Variants in BMPER observed in about 807,000 individuals in gnomAD.
The protein encoded by BMPER is BMP binding endothelial regulator.
A neutral mutation model predicts 87.3 loss-of-function variants in BMPER; 45 were observed. The ratio of observed to expected loss-of-function variants is 0.52; its 90% CI spans 0.41 to 0.66. BMPER has a LOEUF of 0.66. BMPER is among the 30% of genes least tolerant of loss of function. BMPER has a pLI of 0.00. For missense variants in BMPER, 784 were observed against 867.5 expected, an observed-to-expected ratio of 0.90 and a Z score of 1.21; for synonymous variants, 326 against 316.2, an observed-to-expected ratio of 1.03 and a Z score of -0.33.
rs139873606 is a variant in BMPER, at chr7:33,924,170, A to T, written c.220-13119A>T. 4.1e-3 allele frequency among the ~76,000 whole-genome samples: 627 copies of T among 152,290 alleles called. 3 individuals are homozygous for T. The highest frequency in any genetic ancestry group is 0.014 in the African/African-American group (568 of 41,568). On this transcript the variant is annotated intron_variant, in intron 2 of 14. Transcript: ENST00000649409. ...CATTTTTTCAGGCCATCCATCAACCATGGGGTCCTGGATTCCTCTTTCTCT... is the reference window on the plus strand; with the variant it reads ...CATTTTTTCAGGCCATCCATCAACCTTGGGGTCCTGGATTCCTCTTTCTCT...
chr7:34,028,616 T>TTTTG (rs1787437332), intron 6 of BMPER, among the ~76,000 whole-genome samples: 1 of 133,212 alleles, frequency 7.5e-6, no homozygotes, highest in Non-Finnish European at 1.6e-5. Context: ...TTTTTTTTTT[T>TTTTG]TTTTTTTTTT....
chr7:34,028,613 T>TTTTTTTTTTTTTG, intron 6 of BMPER, among the ~76,000 whole-genome samples: 1 of 125,198 alleles, frequency 8.0e-6, no homozygotes, highest in African/African-American at 3.6e-5. Flanking sequence ...TTTTTTTTTT[T>TTTTTTTTTTTTTG]TTTTTTTTTT....
At chr7:33,912,102 G>A (rs570901816) in intron 2 of BMPER, among the ~76,000 whole-genome samples, 3 of 152,064 alleles carry the variant, frequency 2.0e-5, no homozygotes, top group Admixed American at 1.3e-4. Context: ...TTTTCCCCTC[G>A]CTTTCCATTA....
chr7:34,097,777 T>C (rs138541299), intron 13 of BMPER, among the ~76,000 whole-genome samples: 1 of 152,282 alleles, frequency 6.6e-6, no homozygotes, highest in East Asian at 1.9e-4. Context: ...CTTAATTTTC[T>C]GAGTCCCTGT....
At chr7:34,074,549 C>T (rs904725326) in intron 11 of BMPER, among the ~76,000 whole-genome samples, 1 of 152,236 alleles carries the variant, frequency 6.6e-6, no homozygotes, top group African/African-American at 2.4e-5. Flanking sequence ...CCTGGAGCCC[C>T]TGCATGACAC....
chr7:34,076,139 C>T (rs953279744), intron 11 of BMPER, among the ~76,000 whole-genome samples: 3 of 152,106 alleles, frequency 2.0e-5, no homozygotes, highest in Admixed American at 2.0e-4. Context: ...ATTTCCCTTG[C>T]CCAGAGTCTC....
At chr7:34,077,113 G>C (rs1788885901) in intron 11 of BMPER, among the ~76,000 whole-genome samples, 1 of 152,148 alleles carries the variant, frequency 6.6e-6, no homozygotes. Flanking sequence ...GAACTGCCTT[G>C]TTCTCCCTCA....
rs116564985 is a variant in BMPER at position 33,988,111 on chromosome 7, A to C, written c.576+13327A>C. Among the ~76,000 whole-genome samples, 697 of 152,250 alleles carry C rather than the reference A, an allele frequency of 4.6e-3. 3 individuals are homozygous for C. Among genetic ancestry groups the C allele is most frequent in the African/African-American group, 0.016 (659 of 41,550 alleles). ...ATTATTCATACTGATATATATCTTA[A>C]TTTTTTTCATGCTGTCATTTTATTA... On this transcript the variant is annotated intron_variant, in intron 6 of 14. Coordinates refer to ENST00000649409, the MANE Select transcript of BMPER (RefSeq NM_001365308.1).
At chr7:34,008,647 A>G (rs1786797239) in intron 6 of BMPER, among the ~76,000 whole-genome samples, 2 of 151,936 alleles carry the variant, frequency 1.3e-5, no homozygotes, top group African/African-American at 4.8e-5. Context: ...TAATTCTTGT[A>G]AAACTGCTGG....
intron 6 of BMPER, among the ~76,000 whole-genome samples, chr7:34,021,765 A>T (rs530633794): frequency 6.6e-6 from 1 of 152,148 alleles, no homozygotes; most frequent in South Asian, 2.1e-4. Context: ...GGAGATGATT[A>T]TCCTAAGAAA....
chr7:34,044,509 G>A (rs999467292), intron 6 of BMPER, among the ~76,000 whole-genome samples: 1 of 152,100 alleles, frequency 6.6e-6, no homozygotes, highest in African/African-American at 2.4e-5. Context: ...AGCATCTTGG[G>A]TCCTCCCTCT....
At chr7:33,921,755 C>A in intron 2 of BMPER, 1 of 470,972 alleles carries the variant, frequency 2.1e-6, no homozygotes, top group South Asian at 1.5e-5. Flanking sequence ...GCTGACGTGA[C>A]GTTATGTTTG....
chr7:34,009,716 CA>C (rs1242263472), intron 6 of BMPER, among the ~76,000 whole-genome samples: 6 of 151,838 alleles, frequency 4.0e-5, no homozygotes, highest in African/African-American at 1.5e-4. Context: ...GATTTAGAAA[CA>C]AAAAACTATT....
At chr7:34,054,992 A>C (rs529911510) in intron 8 of BMPER, among the ~76,000 whole-genome samples, 171 bp from the exon 9 acceptor site, 1 of 152,332 alleles carries the variant, frequency 6.6e-6, no homozygotes. Flanking sequence ...CTAGATACTT[A>C]ATCAACAAAT....
chr7:33,956,824 A>T (rs1418827730), intron 3 of BMPER, among the ~76,000 whole-genome samples: 1 of 152,232 alleles, frequency 6.6e-6, no homozygotes, highest in African/African-American at 2.4e-5. Context: ...CAACTATGTT[A>T]TTGGTAAGGC....
chr7:33,909,668 T>A (rs1374913323), intron 2 of BMPER, among the ~76,000 whole-genome samples: 1 of 110,234 alleles, frequency 9.1e-6, no homozygotes, highest in African/African-American at 3.7e-5. Flanking sequence ...ATATCTTATT[T>A]CATAACATGT....
chr7:34,038,499 T>C (rs1787744722), intron 6 of BMPER, among the ~76,000 whole-genome samples: 1 of 152,210 alleles, frequency 6.6e-6, no homozygotes, highest in Non-Finnish European at 1.5e-5. Context: ...GTGTGTGTTG[T>C]TTTAAGACAC....
intron 13 of BMPER, among the ~76,000 whole-genome samples, chr7:34,100,006 C>A (rs1789636536): frequency 6.6e-6 from 1 of 152,036 alleles, no homozygotes; most frequent in Non-Finnish European, 1.5e-5. Context: ...GCCTGGGGTG[C>A]AGGTCAGTGG....
chr7:33,936,453 C>T (rs766906049), intron 2 of BMPER, among the ~76,000 whole-genome samples: 17 of 152,272 alleles, frequency 1.1e-4, no homozygotes, highest in Admixed American at 3.9e-4. Context: ...ATGGGGATAA[C>T]GATACTGACC....
Sources: allele counts gnomAD v4.1 joint callset (sites outside exome capture counted in the v4.1 genomes callset), GRCh38; gene constraint gnomAD v4.1.1; transcripts MANE v1.5; gene names NCBI Gene and HGNC (gene_info 2026-07-23, HGNC 2026-07-21).